Variants in ANO2 observed in about 807,000 individuals in gnomAD.
ANO2 encodes the protein anoctamin-2.
ANO2 carries 101 observed loss-of-function variants against 124.2 expected under a neutral mutation model. The ratio of observed to expected loss-of-function variants is 0.81; its 90% confidence interval spans 0.69 to 0.96. The LOEUF (loss-of-function observed/expected upper bound fraction) is 0.96. Ranked by LOEUF, ANO2 falls within the 40% of genes least tolerant of loss-of-function variation. The pLI is 0.00. For missense variants in ANO2, 1,293 were observed against 1,274.5 expected, an observed-to-expected ratio of 1.01 and a Z score of -0.22; for synonymous variants, 486 against 482.5, an observed-to-expected ratio of 1.01 and a Z score of -0.09.
intron 14 of ANO2, among the ~76,000 whole-genome samples, chr12:5,688,349 G>A (rs12303107): frequency 0.37 from 56,834 of 151,962 alleles, 12,384 homozygotes; most frequent in East Asian, 0.59. Flanking sequence ...GCCGAAGCAA[G>A]GACAACCCAT....
At chr12:5,759,368 AT>A (rs771231297) in intron 10 of ANO2, among the ~76,000 whole-genome samples, 3 of 152,050 alleles carry the variant, frequency 2.0e-5, no homozygotes, top group Non-Finnish European at 2.9e-5. Context: ...TTTATAACCA[AT>A]TTTTTGGCAG....
intron 10 of ANO2, among the ~76,000 whole-genome samples, chr12:5,794,023 G>A (rs569848675): frequency 6.6e-6 from 1 of 152,326 alleles, no homozygotes; most frequent in South Asian, 2.1e-4. Flanking sequence ...GGACCAGAAT[G>A]TAATGGCATG....
At chr12:5,858,610 C>T (rs988747967) in intron 3 of ANO2, 1 of 152,174 alleles carries the variant, frequency 6.6e-6, no homozygotes, top group Non-Finnish European at 1.5e-5. Flanking sequence ...ATGAGCCTCA[C>T]CTTCTTTATC....
intron 10 of ANO2, among the ~76,000 whole-genome samples, chr12:5,751,845 C>A (rs1437934872): frequency 6.6e-6 from 1 of 152,098 alleles, no homozygotes; most frequent in African/African-American, 2.4e-5. Context: ...TATTGTGTAA[C>A]TGAAATTTTG....
intron 4 of ANO2, among the ~76,000 whole-genome samples, chr12:5,848,253 T>G (rs1286736135): frequency 5.3e-5 from 8 of 152,308 alleles, no homozygotes; most frequent in Non-Finnish European, 1.0e-4. Context: ...CACAGTCCTT[T>G]CTGTCTTGGC....
At chr12:5,597,975 T>C (rs1943745137) in intron 20 of ANO2, among the ~76,000 whole-genome samples, 1 of 152,228 alleles carries the variant, frequency 6.6e-6, no homozygotes. Flanking sequence ...TGATTGTTTG[T>C]TCTCTGGTGA....
rs756126856 is a variant in ANO2, at chr12:5,900,964, G to A, written c.534+20076C>T. Among the ~76,000 whole-genome samples, 4 of 152,152 alleles carry A rather than the reference G, an allele frequency of 2.6e-5. No homozygotes were observed. The highest frequency in any genetic ancestry group is 5.9e-5 in the Non-Finnish European group (4 of 68,034). On this transcript the variant is annotated intron_variant, in intron 3 of 24. Coordinates refer to ENST00000682330, the MANE Select transcript of ANO2 (RefSeq NM_001364791.2). The surrounding 1 kb of genome is among the most constrained non-coding windows in gnomAD (Gnocchi z 4.2). ...GCTTTTTGTATTCATCAATTCAGAC[G>A]TTCTCCTGGGGAGGGCCTTGACTTC...
intron 20 of ANO2, among the ~76,000 whole-genome samples, chr12:5,579,719 TAATCTGCCTCC>T (rs1591658568): frequency 6.6e-6 from 1 of 152,220 alleles, no homozygotes; most frequent in Non-Finnish European, 1.5e-5. Context: ...AGGTGCTTTA[TAATCTGCCTCC>T]AATCTGCCTC....
chr12:5,789,685 G>T (rs1449760199), intron 10 of ANO2, among the ~76,000 whole-genome samples: 1 of 152,196 alleles, frequency 6.6e-6, no homozygotes, highest in Non-Finnish European at 1.5e-5. Flanking sequence ...GATCTTGAAG[G>T]TTTGTGTATT....
intron 14 of ANO2, among the ~76,000 whole-genome samples, chr12:5,714,283 A>C (rs1323588066): frequency 6.6e-6 from 1 of 152,232 alleles, no homozygotes; most frequent in Admixed American, 6.5e-5. Context: ...GTCAAGGAGG[A>C]AACTCAGATG....
chr12:5,848,794 G>A (rs754930640), intron 4 of ANO2, among the ~76,000 whole-genome samples: 9 of 152,248 alleles, frequency 5.9e-5, no homozygotes, highest in African/African-American at 2.2e-4. Context: ...GACTGGGCCT[G>A]CTTCCCCCAA....
At chr12:5,877,488 G>A (rs779195767) in intron 3 of ANO2, among the ~76,000 whole-genome samples, 2 of 152,206 alleles carry the variant, frequency 1.3e-5, no homozygotes, top group Non-Finnish European at 2.9e-5. Context: ...TTCATGAAGA[G>A]GCAGTGTGAT....
chr12:5,924,699 T>C (rs936078038), intron 1 of ANO2, among the ~76,000 whole-genome samples: 1 of 152,246 alleles, frequency 6.6e-6, no homozygotes, highest in Non-Finnish European at 1.5e-5. Flanking sequence ...TATATTCACC[T>C]TGTCCAAAGC....
At chr12:5,940,251 T>C (rs1423187305) in intron 1 of ANO2, among the ~76,000 whole-genome samples, 1 of 152,236 alleles carries the variant, frequency 6.6e-6, no homozygotes, top group Non-Finnish European at 1.5e-5. Flanking sequence ...CCAGTACACC[T>C]ATAAACTGGA....
chr12:5,834,878 A>C (rs1393342008), intron 4 of ANO2, among the ~76,000 whole-genome samples: 1 of 152,194 alleles, frequency 6.6e-6, no homozygotes, highest in African/African-American at 2.4e-5. Context: ...TTCCTTCCTA[A>C]GCAACTGTGA....
chr12:5,901,853 A>G (rs1354780521), intron 3 of ANO2, among the ~76,000 whole-genome samples: 1 of 152,208 alleles, frequency 6.6e-6, no homozygotes, highest in Non-Finnish European at 1.5e-5. Flanking sequence ...CTAGGACATA[A>G]GAGCATCAAA....
At chr12:5,715,346 A>G (rs1471714858) in intron 14 of ANO2, among the ~76,000 whole-genome samples, 3 of 152,212 alleles carry the variant, frequency 2.0e-5, no homozygotes, top group Non-Finnish European at 4.4e-5. Context: ...CCTTAGTCCA[A>G]CTGATAAAAT....
chr12:5,751,756 T>C (rs903021758), intron 10 of ANO2, among the ~76,000 whole-genome samples: 6 of 152,222 alleles, frequency 3.9e-5, no homozygotes, highest in African/African-American at 1.4e-4. Flanking sequence ...ATCTACCCTG[T>C]TAGCAGATTT....
Position 5,799,496 on chromosome 12 carries a change from C to A in ANO2, c.1055+11G>T, listed in dbSNP as rs1025377719. The A allele has an allele frequency of 2.5e-6, 4 of 1,612,460 alleles. No individual in the cohort carries two copies. Among genetic ancestry groups the A allele is most frequent in the Non-Finnish European group, 3.4e-6 (4 of 1,178,898 alleles). On this transcript the variant is annotated intron_variant, in intron 10 of 24. Coordinates refer to ENST00000682330, the MANE Select transcript of ANO2 (RefSeq NM_001364791.2). ...CCAGGATACTTCCAAAAGTTCCCTA[C>A]CACCTCTTACCTGATGAGGTCAATA...
Sources: gnomAD v4.1 joint callset for allele counts (sites outside exome capture counted in the v4.1 genomes callset) on GRCh38, gnomAD v4.1.1 for gene constraint, Gnocchi (gnomAD v3.1) non-coding constraint, MANE v1.5 for transcripts, NCBI Gene and HGNC (gene_info 2026-07-23, HGNC 2026-07-21) for gene names.